ASXL2: variants seen among roughly 807,000 people sequenced by gnomAD.
ASXL2 encodes the protein putative Polycomb group protein ASXL2.
In ASXL2, 23 loss-of-function variants were observed where a neutral mutation model predicts 122.0. The observed-to-expected ratio is 0.19, with a 90% CI of 0.14 to 0.27. The LOEUF is 0.27. ASXL2 is among the 10% of genes least tolerant of loss of function. The pLI is 1.00. For synonymous variants in ASXL2, 650 were observed against 637.0 expected, an observed-to-expected ratio of 1.02 and a Z score of -0.31; for missense variants, 1,518 against 1,713.8, an observed-to-expected ratio of 0.89 and a Z score of 2.02.
chr2:25,765,574 G>A (rs2088333924), intron 8 of ASXL2, among the ~76,000 whole-genome samples: 1 of 152,080 alleles, frequency 6.6e-6, no homozygotes, highest in Non-Finnish European at 1.5e-5. Context: ...CTTGAAAGAA[G>A]ATGGACTTCT....
At chr2:25,780,291 C>T (rs1477631629) in intron 5 of ASXL2, 1 of 151,510 alleles carries the variant, frequency 6.6e-6, no homozygotes, top group Admixed American at 6.6e-5. Context: ...AGTGAAAAAA[C>T]TCAATGCATC....
At chr2:25,836,296 A>G (rs2089509561) in intron 2 of ASXL2, among the ~76,000 whole-genome samples, 1 of 152,218 alleles carries the variant, frequency 6.6e-6, no homozygotes, top group Non-Finnish European at 1.5e-5. Flanking sequence ...AACCTTAGAT[A>G]TATTATCAAT....
At chr2:25,778,865 T>C (rs1234590168) in intron 5 of ASXL2, among the ~76,000 whole-genome samples, 1 of 152,090 alleles carries the variant, frequency 6.6e-6, no homozygotes, top group Non-Finnish European at 1.5e-5. Flanking sequence ...AAATTGGAAA[T>C]GATATTAAAT....
intron 3 of ASXL2, among the ~76,000 whole-genome samples, chr2:25,829,287 CAT>C (rs1027909479): frequency 5.4e-5 from 8 of 148,868 alleles, no homozygotes; most frequent in African/African-American, 2.0e-4. Flanking sequence ...GACACATACA[CAT>C]ACACACACAC....
chr2:25,778,026 CAAAAGATATATAGCCAGT>C (rs2088575853), intron 5 of ASXL2, among the ~76,000 whole-genome samples: 1 of 151,962 alleles, frequency 6.6e-6, no homozygotes, highest in African/African-American at 2.4e-5. Flanking sequence ...ATTAGTTTGC[CAAAAGATATATAGCCAGT>C]AAGGAGCACA....
intron 1 of ASXL2, among the ~76,000 whole-genome samples, chr2:25,852,962 A>G (rs1373564812): frequency 6.6e-6 from 1 of 152,244 alleles, no homozygotes; most frequent in Non-Finnish European, 1.5e-5. Context: ...ATAGGGGATT[A>G]AAACAACTCT....
intron 7 of ASXL2, 120 bp downstream of exon 7, chr2:25,768,622 C>T (rs2149153196): frequency 1.8e-6 from 2 of 1,113,438 alleles, no homozygotes; most frequent in East Asian, 5.1e-5. Context: ...TTTGGCAGTA[C>T]AAGGATTGTG....
At chr2:25,857,341 C>G (rs2089792747) in intron 1 of ASXL2, among the ~76,000 whole-genome samples, 1 of 152,132 alleles carries the variant, frequency 6.6e-6, no homozygotes. Context: ...ACAAGAGAGT[C>G]TAGGAAATAA....
At chr2:25,814,380 G>A (rs1226627893) in intron 3 of ASXL2, among the ~76,000 whole-genome samples, 1 of 152,202 alleles carries the variant, frequency 6.6e-6, no homozygotes, top group Non-Finnish European at 1.5e-5. Context: ...GAAGAAATAA[G>A]ACATCATCTG....
chr2:25,838,636 C>T (rs982022601), intron 2 of ASXL2, among the ~76,000 whole-genome samples: 19 of 152,098 alleles, frequency 1.2e-4, no homozygotes, highest in Admixed American at 9.8e-4. Flanking sequence ...GGGCACAAGT[C>T]GGGAGAAACT....
rs866685548 is a variant in ASXL2 at position 25,743,587 on chromosome 2, G to A, written c.2750C>T (p.Ser917Leu). ...GCTAGAAGCTGCTGGCAAAGTGCTC[G>A]AGGGTGGAGCTGATCCAGCAGGTGC... ...TTAPAGSAPP[S>L]STLPAASSLK... The change falls in exon 13 of 13, where the codon TCG becomes TTG. Residue 917 changes from serine to leucine, a missense_variant. Physicochemically the swap from Ser to Leu is moderately radical, Grantham distance 145. Around this residue, in one of 8 missense-constraint regions of ASXL2, gnomAD observed 831 missense variants for 833.1 expected, o/e 1.00. Transcript: ENST00000435504. 16 of 1,614,042 alleles carry A rather than the reference G, an allele frequency of 9.9e-6. No homozygotes were observed. The highest frequency in any genetic ancestry group is 5.0e-5 in the Admixed American group (3 of 60,032).
At chr2:25,866,195 A>G (rs2089902459) in intron 1 of ASXL2, among the ~76,000 whole-genome samples, 1 of 146,964 alleles carries the variant, frequency 6.8e-6, no homozygotes, top group Admixed American at 7.0e-5. Flanking sequence ...CAGTGGCGCC[A>G]TCTTGGCTCA....
rs1394480066 is a variant in ASXL2 at position 25,781,959 on chromosome 2, CTTTTTTCT to C, written c.404-10427_404-10420del. Among the ~76,000 whole-genome samples, 11 of 88,382 alleles carry C rather than the reference CTTTTTTCT, an allele frequency of 1.2e-4. 1 individual carries two copies. The highest frequency in any genetic ancestry group is 7.9e-4 in the South Asian group (2 of 2,530). 58.0% of individuals were successfully genotyped at this position (88,382 alleles called of 152,430 possible). On this transcript the variant is annotated intron_variant, in intron 5 of 12. Transcript: ENST00000435504. ...TAACAGGCGTGAGCCACCGCCCGGGCTTTTTTCTTTTTTTTTTTTTTTTTTTGTAGAGA... is the reference window on the plus strand; with the variant it reads ...TAACAGGCGTGAGCCACCGCCCGGGCTTTTTTTTTTTTTTTTTTGTAGAGA...
In ASXL2 at chr2:25,736,463, T is replaced by C. The variant is rs1052497524; in HGVS notation, c.*5566A>G. 3 of 152,202 alleles carry C rather than the reference T, an allele frequency of 2.0e-5. No individual in the cohort carries two copies. The highest frequency in any genetic ancestry group is 4.8e-5 in the African/African-American group (2 of 41,456). The allele number at this position is 152,202 out of a possible 1,614,324, so 9.4% of individuals were successfully genotyped here. A position where few individuals can be genotyped will look rare whatever the true frequency, so the allele number is the denominator to read the frequency against. On this transcript the variant is annotated 3_prime_UTR_variant, in exon 13 of 13. Transcript: ENST00000435504. ...CTTCATTCTTATTATATATGGAAAT[T>C]ATGAAGATGCTAATGTCCCCTGAGA... is the stretch of plus-strand genomic sequence containing the variant.
At chr2:25,758,295 C>T (rs1010113637) in intron 9 of ASXL2, among the ~76,000 whole-genome samples, 13 of 152,196 alleles carry the variant, frequency 8.5e-5, no homozygotes, top group African/African-American at 3.1e-4. Context: ...CTTACTCATT[C>T]TCTGTTATCC....
At chr2:25,870,564 C>T (rs2089955285) in intron 1 of ASXL2, among the ~76,000 whole-genome samples, 1 of 152,062 alleles carries the variant, frequency 6.6e-6, no homozygotes, top group South Asian at 2.1e-4. Context: ...CCTGGCTACT[C>T]AGGAAGCTGA....
chr2:25,743,093 C>A lies in ASXL2; in HGVS notation c.3244G>T (p.Val1082Phe), dbSNP rs2149136390. The A allele has an allele frequency of 6.2e-7, 1 of 1,614,010 alleles. No individual in the cohort carries two copies. The highest frequency in any genetic ancestry group is 8.5e-7 in the Non-Finnish European group (1 of 1,179,894). ...AAGTTGAACTGTGAGGGCGGCACAA[C>A]TGAGAGAAGATTCTGCCTCCGAACC... The part of the protein sequence containing the change: ...QRVRRQNLLS[V>F]VPPSQFNFAH... The change falls in exon 13 of 13, where the codon GTT becomes TTT. Residue 1082 changes from valine to phenylalanine, a missense_variant. Val to Phe is a conservative substitution (Grantham distance 50). Around this residue, in one of 8 missense-constraint regions of ASXL2, gnomAD observed 831 missense variants for 833.1 expected, o/e 1.00. Coordinates refer to ENST00000435504, the MANE Select transcript of ASXL2 (RefSeq NM_018263.6).
Position 25,773,381 on chromosome 2 carries a change from C to G in ASXL2, c.404-1841G>C, listed in dbSNP as rs1464512544. Among the ~76,000 whole-genome samples, 5 of 152,062 alleles carry G rather than the reference C, an allele frequency of 3.3e-5. No individual in the cohort carries two copies. The East Asian group carries it at 5.8e-4, about 18-fold the overall frequency. ...TTCAGCTGCAAAAAGAAATCATAGC[C>G]TTGGCCAGGCGCGGTGGCTCACGCC... On this transcript the variant is annotated intron_variant, in intron 5 of 12. Transcript: ENST00000435504.
intron 12 of ASXL2, among the ~76,000 whole-genome samples, chr2:25,746,803 CA>C (rs2087950664): frequency 6.6e-6 from 1 of 152,112 alleles, no homozygotes; most frequent in Non-Finnish European, 1.5e-5. Context: ...TTTTTAAGTA[CA>C]AAACCAAAGC....
Sources: gnomAD v4.1 joint callset for allele counts (sites outside exome capture counted in the v4.1 genomes callset) on GRCh38, gnomAD v4.1.1 for gene constraint, gnomAD v4.1.1 regional missense constraint, MANE v1.5 for transcripts, NCBI Gene and HGNC (gene_info 2026-07-23, HGNC 2026-07-21) for gene names.